GLI3: variants seen among roughly 807,000 people sequenced by gnomAD.
GLI3 encodes the protein GLI family zinc finger 3, also known as transcription activator GLI3.
GLI3 carries 20 observed loss-of-function variants against 100.8 expected under a neutral mutation model. The observed-to-expected ratio is 0.20, with a 90% CI of 0.14 to 0.29. The LOEUF (loss-of-function observed/expected upper bound fraction) is 0.29, where lower values mean the gene tolerates loss of function less well. Ranked by LOEUF, GLI3 falls within the 10% of genes least tolerant of loss-of-function variation. The pLI is 1.00. For synonymous variants in GLI3, 938 were observed against 860.5 expected, an observed-to-expected ratio of 1.09 and a Z score of -1.58; for missense variants, 2,040 against 2,128.5, an observed-to-expected ratio of 0.96 and a Z score of 0.82.
At chr7:42,224,299 G>A (rs1478739652) in intron 1 of GLI3, among the ~76,000 whole-genome samples, 4 of 152,114 alleles carry the variant, frequency 2.6e-5, no homozygotes, top group African/African-American at 7.2e-5. Context: ...AGTAAATGTC[G>A]ACATCCTCAA....
At chr7:42,015,774 T>C (rs1285346736) in intron 10 of GLI3, among the ~76,000 whole-genome samples, 2 of 151,872 alleles carry the variant, frequency 1.3e-5, no homozygotes, top group East Asian at 3.9e-4. Flanking sequence ...CATAGGTATA[T>C]TTAAGTAGCT....
intron 4 of GLI3, among the ~76,000 whole-genome samples, chr7:42,074,877 T>C (rs1583533491): frequency 6.6e-6 from 1 of 152,204 alleles, no homozygotes; most frequent in African/African-American, 2.4e-5. Flanking sequence ...GAGAACCATT[T>C]AGTCAGATGC....
intron 2 of GLI3, among the ~76,000 whole-genome samples, chr7:42,169,247 G>A (rs1383783327): frequency 6.6e-6 from 1 of 152,060 alleles, no homozygotes; most frequent in African/African-American, 2.4e-5. Context: ...ATTTTAGACA[G>A]CCTAATATAT....
chr7:41,965,125 G>C lies in GLI3; in HGVS notation c.3948C>G (p.Asp1316Glu). The change falls in exon 15 of 15, where the codon GAC (aspartate) becomes GAG (glutamate). Residue 1316 changes from aspartate to glutamate, a missense_variant. By Grantham distance (45) the Asp-to-Glu change is conservative. This residue lies in a region of GLI3 where 1,041 missense variants were observed against 924.0 expected (regional missense o/e 1.13). Coordinates refer to ENST00000395925, the MANE Select transcript of GLI3 (RefSeq NM_000168.6). ...GSMVNGMQNQ[D>E]PVGQGYLAHQ... Reference sequence around the variant, plus strand: ...GAGCCAGGTACCCCTGTCCCACTGGGTCCTGGTTCTGCATGCCATTCACCA... The same window carrying C: ...GAGCCAGGTACCCCTGTCCCACTGGCTCCTGGTTCTGCATGCCATTCACCA... 6.2e-7 allele frequency: 1 copy of C among 1,613,806 alleles called. No individual in the cohort carries two copies.
intron 10 of GLI3, among the ~76,000 whole-genome samples, chr7:42,011,574 C>T (rs1030935651): frequency 6.6e-6 from 1 of 152,008 alleles, no homozygotes; most frequent in Non-Finnish European, 1.5e-5. Context: ...ATTATTCAGC[C>T]ATAAAAAAGA....
At chr7:42,220,426 CA>C (rs754256651) in intron 2 of GLI3, among the ~76,000 whole-genome samples, 8 of 152,158 alleles carry the variant, frequency 5.3e-5, no homozygotes, top group Non-Finnish European at 8.8e-5. Flanking sequence ...AACCACCAGC[CA>C]GCACACGAAT....
At chr7:42,192,029 T>C (rs1435946743) in intron 2 of GLI3, among the ~76,000 whole-genome samples, 1 of 144,088 alleles carries the variant, frequency 6.9e-6, no homozygotes, top group African/African-American at 2.6e-5. Flanking sequence ...TTTAAACTTC[T>C]ACAATCACAG....
chr7:42,076,723 T>C (rs755707421), intron 4 of GLI3, 29 bp downstream of exon 4: 2 of 1,354,934 alleles, frequency 1.5e-6, no homozygotes, highest in Non-Finnish European at 2.1e-6. Flanking sequence ...TCGTTCCATT[T>C]CATTAATGAA....
In GLI3 at chr7:41,964,412, G is replaced by A. The variant is rs764701766; in HGVS notation, c.4661C>T (p.Thr1554Ile). Residue 1554 changes from threonine (T) to isoleucine (I), a missense_variant, in exon 15 of 15, where the codon ACC becomes ATC. Thr to Ile is a moderately conservative substitution (Grantham distance 89). Around this residue, in one of 5 missense-constraint regions of GLI3, gnomAD observed 1,041 missense variants for 924.0 expected, o/e 1.13. Transcript: ENST00000395925. Reference sequence around the variant, plus strand: ...CATGTCCCCGATAGCCATGTTGGTGGTGCTCATGGACAGCGCTGGGAATGG... The same window carrying A: ...CATGTCCCCGATAGCCATGTTGGTGATGCTCATGGACAGCGCTGGGAATGG... ...SLPFPALSMSTTNMAIGDMSS... is the reference protein window; with the variant it reads ...SLPFPALSMSITNMAIGDMSS... 1 of 1,614,008 alleles carries A rather than the reference G, an allele frequency of 6.2e-7. No individual in the cohort carries two copies. The highest frequency in any genetic ancestry group is 1.1e-5 in the South Asian group (1 of 91,082).
chr7:42,166,753 G>A (rs972180750), intron 2 of GLI3, among the ~76,000 whole-genome samples: 1 of 148,198 alleles, frequency 6.7e-6, no homozygotes, highest in Admixed American at 6.9e-5. Flanking sequence ...TCTGCCTCCC[G>A]GGTTCGAGCA....
chr7:42,093,533 A>C (rs1785273495), intron 3 of GLI3, among the ~76,000 whole-genome samples: 1 of 152,004 alleles, frequency 6.6e-6, no homozygotes. Context: ...ATTATACTTA[A>C]ATTTGGGTTT....
intron 3 of GLI3, among the ~76,000 whole-genome samples, chr7:42,080,532 G>A (rs1303591733): frequency 6.6e-6 from 1 of 152,134 alleles, no homozygotes; most frequent in Non-Finnish European, 1.5e-5. Context: ...AAGTCTGTGT[G>A]GACAATTATA....
At chr7:42,184,661 C>G (rs1787683761) in intron 2 of GLI3, among the ~76,000 whole-genome samples, 1 of 152,194 alleles carries the variant, frequency 6.6e-6, no homozygotes, top group Non-Finnish European at 1.5e-5. Flanking sequence ...CCCAGAGACA[C>G]AGACACCCTT....
intron 2 of GLI3, among the ~76,000 whole-genome samples, chr7:42,204,888 G>A (rs777569932): frequency 2.0e-5 from 3 of 152,000 alleles, no homozygotes; most frequent in Non-Finnish European, 4.4e-5. Flanking sequence ...CTGTGGGCTG[G>A]CAAATTTTCT....
rs1788377432 is a variant in GLI3, at chr7:42,003,833, G to A, written c.1497+19635C>T. ...GATATGACGTAGAATATATATTTTT[G>A]TACATCTAGCCATGTCTCTGGTATC... On this transcript the variant is annotated intron_variant, in intron 10 of 14. Transcript: ENST00000395925. Among the ~76,000 whole-genome samples, 3 of 152,096 alleles carry A rather than the reference G, an allele frequency of 2.0e-5. No individual in the cohort carries two copies. In the South Asian group the frequency reaches 6.2e-4, roughly 31 times the overall value.
intron 10 of GLI3, among the ~76,000 whole-genome samples, chr7:41,989,230 A>G (rs1429164507): frequency 2.0e-5 from 3 of 152,342 alleles, no homozygotes; most frequent in East Asian, 3.9e-4. Context: ...TATTAAACAC[A>G]GATAGGCAAA....
intron 4 of GLI3, among the ~76,000 whole-genome samples, chr7:42,069,903 T>A (rs1784752602): frequency 6.6e-6 from 1 of 152,202 alleles, no homozygotes; most frequent in Non-Finnish European, 1.5e-5. Flanking sequence ...CTGTTTTAAG[T>A]AGTTGTTCAC....
intron 2 of GLI3, among the ~76,000 whole-genome samples, chr7:42,167,191 T>C (rs921902955): frequency 6.6e-6 from 1 of 152,132 alleles, no homozygotes; most frequent in Non-Finnish European, 1.5e-5. Context: ...ATGATATTGC[T>C]ATTCATCAAC....
intron 1 of GLI3, among the ~76,000 whole-genome samples, chr7:42,235,100 T>A (rs1203018397): frequency 6.6e-6 from 1 of 152,164 alleles, no homozygotes; most frequent in South Asian, 2.1e-4. Flanking sequence ...AATTAAGAGA[T>A]TTTGAGGCTA....
Sources: allele counts gnomAD v4.1 joint callset (sites outside exome capture counted in the v4.1 genomes callset), GRCh38; gene constraint gnomAD v4.1.1; regional missense constraint gnomAD v4.1.1; transcripts MANE v1.5; gene names NCBI Gene and HGNC (gene_info 2026-07-23, HGNC 2026-07-21).